The following GMDS variants were observed in gnomAD, a reference collection of about 807,000 sequenced individuals.
GMDS encodes GDP-mannose 4,6 dehydratase.
In GMDS, 20 loss-of-function variants were observed where a neutral mutation model predicts 49.9. The ratio of observed to expected loss-of-function variants is 0.40; its 90% CI spans 0.28 to 0.58. GMDS has a LOEUF of 0.58. GMDS is among the 20% of genes least tolerant of loss of function. The pLI is 0.42. For missense variants in GMDS, 362 were observed against 481.4 expected (o/e 0.75, Z 2.32); for synonymous variants, 177 against 178.6 (o/e 0.99, Z 0.07).
In GMDS at chr6:1,640,200, C is replaced by CAGTTCT. The variant is rs1346188209; in HGVS notation, c.988-15666_988-15661dup. ...CCCAAGGCTCCCCCACATCACTCTT[C>CAGTTCT]AGTTCTAGCAATCTGCTGCCCTCCT... On this transcript the variant is annotated intron_variant, in intron 9 of 10. Coordinates refer to ENST00000380815, the MANE Select transcript of GMDS (RefSeq NM_001500.4). This position sits in a 1 kb window ranked among gnomAD's most constrained non-coding sequence, Gnocchi z 4.0. 6.6e-6 allele frequency among the ~76,000 whole-genome samples: 1 copy of CAGTTCT among 152,192 alleles called. No individual in the cohort carries two copies. Among genetic ancestry groups the CAGTTCT allele is most frequent in the East Asian group, 1.9e-4 (1 of 5,190 alleles).
chr6:1,842,176 T>C (rs1757178810), intron 7 of GMDS, among the ~76,000 whole-genome samples: 1 of 152,212 alleles, frequency 6.6e-6, no homozygotes, highest in Non-Finnish European at 1.5e-5. Flanking sequence ...TAACTCTATT[T>C]ATTCTTCAAA....
chr6:1,805,454 C>A (rs1770133927), intron 7 of GMDS, among the ~76,000 whole-genome samples: 1 of 152,178 alleles, frequency 6.6e-6, no homozygotes, highest in Admixed American at 6.5e-5. Context: ...CAGCAGTTCC[C>A]AAAGTATGGT....
intron 7 of GMDS, among the ~76,000 whole-genome samples, chr6:1,795,385 C>T (rs1769700115): frequency 6.6e-6 from 1 of 152,104 alleles, no homozygotes; most frequent in South Asian, 2.1e-4. Context: ...GCTAAAATGA[C>T]TGTGTGGAGT....
At position 2,124,680 on chromosome 6, in the gene GMDS, C is replaced by T; in HGVS notation, c.147+7G>A. The T allele has an allele frequency of 1.2e-6, 2 of 1,612,658 alleles. No individual in the cohort carries two copies. Among genetic ancestry groups the T allele is most frequent in the Non-Finnish European group, 1.7e-6 (2 of 1,178,732 alleles). On this transcript the variant is annotated splice_region_variant and intron_variant, in intron 2 of 10. Coordinates refer to ENST00000380815, the MANE Select transcript of GMDS (RefSeq NM_001500.4). ...AGCCTGCGCCCGCTTCCCATTGAGT[C>T]ACCCACCTCATAGCCTTTCTCCAGC...
chr6:1,895,491 A>T (rs1465202572), intron 7 of GMDS, among the ~76,000 whole-genome samples: 1 of 152,206 alleles, frequency 6.6e-6, no homozygotes, highest in Non-Finnish European at 1.5e-5. Flanking sequence ...AAAATGATAC[A>T]ATTAAAAACT....
intron 3 of GMDS, among the ~76,000 whole-genome samples, chr6:2,116,433 A>G (rs1408591504): frequency 6.6e-6 from 1 of 152,236 alleles, no homozygotes; most frequent in African/African-American, 2.4e-5. Context: ...TCATTAGCAT[A>G]AGAATTTGAT....
In GMDS at chr6:2,245,570, A is replaced by C; in HGVS notation, c.-148T>G. ...AGCGCACCGCGCGACCGGCCGCCAC[A>C]GTCTGACAGGGGCGCACGGGAGGCC... On this transcript the variant is annotated 5_prime_UTR_variant, in exon 1 of 11. Coordinates refer to ENST00000380815, the MANE Select transcript of GMDS (RefSeq NM_001500.4). 2.3e-6 allele frequency: 1 copy of C among 427,554 alleles called. No homozygotes were observed. Among genetic ancestry groups the C allele is most frequent in the Non-Finnish European group, 4.0e-6 (1 of 250,472 alleles). The allele number at this position is 427,554 out of a possible 1,614,324, so 26.5% of individuals were successfully genotyped here.
At chr6:1,907,974 G>T (rs1760860622) in intron 7 of GMDS, among the ~76,000 whole-genome samples, 1 of 152,144 alleles carries the variant, frequency 6.6e-6, no homozygotes, top group Non-Finnish European at 1.5e-5. Flanking sequence ...GACACAGTAA[G>T]AGCTTAACAA....
At chr6:1,936,867 T>C (rs1216576386) in intron 6 of GMDS, among the ~76,000 whole-genome samples, 1 of 151,056 alleles carries the variant, frequency 6.6e-6, no homozygotes, top group Non-Finnish European at 1.5e-5. Flanking sequence ...CTCAGGAGGC[T>C]GAGGCACGAA....
In GMDS at chr6:2,191,559, C is replaced by A. The variant is rs1017486989; in HGVS notation, c.102+53762G>T. Among the ~76,000 whole-genome samples, 1 of 152,216 alleles carries A rather than the reference C, an allele frequency of 6.6e-6. No individual in the cohort carries two copies. The highest frequency in any genetic ancestry group is 6.5e-5 in the Admixed American group (1 of 15,292). ...GCCCTTGCAGGCTCGGAGGTGCCTA[C>A]CTCCACTGTCTGGCCTCTCCCCGCT... On this transcript the variant is annotated intron_variant, in intron 1 of 10. Transcript: ENST00000380815. This position sits in a 1 kb window ranked among gnomAD's most constrained non-coding sequence, Gnocchi z 4.6.
intron 7 of GMDS, among the ~76,000 whole-genome samples, chr6:1,786,468 A>G (rs1292773409): frequency 1.3e-5 from 2 of 152,256 alleles, no homozygotes; most frequent in Non-Finnish European, 1.5e-5. Flanking sequence ...CCCCTCGCAC[A>G]GCCTGAGCAA....
At chr6:1,727,439 A>G (rs1766636869) in intron 8 of GMDS, among the ~76,000 whole-genome samples, 1 of 152,220 alleles carries the variant, frequency 6.6e-6, no homozygotes, top group Admixed American at 6.5e-5. Context: ...TTTTGCAAAG[A>G]AAGAGAAGAA....
intron 1 of GMDS, among the ~76,000 whole-genome samples, chr6:2,167,003 A>T (rs2127550955): frequency 6.6e-6 from 1 of 152,332 alleles, no homozygotes; most frequent in South Asian, 2.1e-4. Context: ...GCAATTGCAT[A>T]GTCAGAACTG....
intron 1 of GMDS, among the ~76,000 whole-genome samples, chr6:2,186,684 C>T (rs1055825693): frequency 6.6e-6 from 1 of 152,152 alleles, no homozygotes. Flanking sequence ...TCCATTCTGT[C>T]AAGCAAGTAC....
chr6:1,992,490 A>G (rs1766010550), intron 4 of GMDS, among the ~76,000 whole-genome samples: 1 of 152,160 alleles, frequency 6.6e-6, no homozygotes, highest in African/African-American at 2.4e-5. Context: ...CACACCAGGC[A>G]TGTTCCCGAC....
intron 5 of GMDS, 30 bp from the exon 6 acceptor site, chr6:1,960,001 A>G (rs1763851788): frequency 1.5e-6 from 2 of 1,376,890 alleles, no homozygotes; most frequent in South Asian, 2.4e-5. Flanking sequence ...TAAGCAATGA[A>G]GTTTGTTGTA....
At chr6:1,867,992 CT>C (rs951661239) in intron 7 of GMDS, among the ~76,000 whole-genome samples, 161 of 145,656 alleles carry the variant, frequency 1.1e-3, no homozygotes, top group African/African-American at 2.0e-3. Flanking sequence ...AACAGCTGTT[CT>C]TTTTTTTTTT....
At chr6:1,809,092 A>G (rs908993468) in intron 7 of GMDS, among the ~76,000 whole-genome samples, 42 of 152,152 alleles carry the variant, frequency 2.8e-4, no homozygotes, top group African/African-American at 9.9e-4. Flanking sequence ...TATAGCCTGG[A>G]TTTACTAAAT....
chr6:1,827,547 T>C (rs1771183272), intron 7 of GMDS, among the ~76,000 whole-genome samples: 1 of 152,168 alleles, frequency 6.6e-6, no homozygotes, highest in African/African-American at 2.4e-5. Context: ...CTTTAACGTT[T>C]TACATAAGCT....
Sources: allele counts gnomAD v4.1 joint callset (sites outside exome capture counted in the v4.1 genomes callset), GRCh38; gene constraint gnomAD v4.1.1; non-coding constraint Gnocchi (gnomAD v3.1); transcripts MANE v1.5; gene names NCBI Gene and HGNC (gene_info 2026-07-23, HGNC 2026-07-21).